Variants in SAMD5 observed in about 807,000 individuals in gnomAD.
SAMD5 encodes sterile alpha motif domain-containing protein 5.
In SAMD5, 13 loss-of-function variants were observed where a neutral mutation model predicts 11.3. That is an observed-to-expected ratio of 1.15 (90% CI 0.75 to 1.83). The LOEUF is 1.83. Among genes scored for constraint, SAMD5 ranks in the 40% most tolerant of loss-of-function variants. The pLI is 0.00. For synonymous variants in SAMD5, 129 were observed against 111.3 expected (o/e 1.16, Z -1.00); for missense variants, 255 against 239.1 (o/e 1.07, Z -0.44).
intron 1 of SAMD5, among the ~76,000 whole-genome samples, chr6:147,641,222 T>C (rs1057416840): frequency 2.0e-5 from 3 of 152,208 alleles, no homozygotes; most frequent in African/African-American, 7.2e-5. Flanking sequence ...GATTCAAATA[T>C]GGATGTCCAA....
chr6:147,759,105 G>A, the SAMD5 span, among the ~76,000 whole-genome samples: 1 of 152,110 alleles, frequency 6.6e-6, no homozygotes. Context: ...CATATTAGCC[G>A]TATGTTGTGT....
intron 1 of SAMD5, among the ~76,000 whole-genome samples, chr6:147,703,722 G>A (rs1163839854): frequency 6.6e-6 from 1 of 152,084 alleles, no homozygotes; most frequent in Non-Finnish European, 1.5e-5. Context: ...GAGATATTGT[G>A]GAAGAGTAAG....
the SAMD5 span, among the ~76,000 whole-genome samples, chr6:147,922,793 T>C: frequency 6.6e-6 from 1 of 152,156 alleles, no homozygotes; most frequent in African/African-American, 2.4e-5. Flanking sequence ...TACTAAAAAA[T>C]CAATACAACT....
chr6:147,657,470 AGAGT>A (rs755185017), intron 1 of SAMD5, among the ~76,000 whole-genome samples: 12 of 152,244 alleles, frequency 7.9e-5, no homozygotes, highest in African/African-American at 1.7e-4. Flanking sequence ...AGCGAGAGAG[AGAGT>A]GAGTAAGCGT....
chr6:147,601,823 G>A (rs1315277795), intron 1 of SAMD5, among the ~76,000 whole-genome samples: 1 of 152,194 alleles, frequency 6.6e-6, no homozygotes. Flanking sequence ...CACCGTGAAT[G>A]CAATTATGCA....
intron 1 of SAMD5, among the ~76,000 whole-genome samples, chr6:147,547,647 C>T (rs957077472): frequency 9.2e-5 from 14 of 152,206 alleles, no homozygotes; most frequent in African/African-American, 3.4e-4. Flanking sequence ...ATTAGACCAA[C>T]CCGAGAGAAT....
chr6:147,726,983 T>C (rs1267035173), intron 1 of SAMD5, among the ~76,000 whole-genome samples: 1 of 152,210 alleles, frequency 6.6e-6, no homozygotes, highest in Non-Finnish European at 1.5e-5. Context: ...CTGCAGACTT[T>C]CCTTGACATA....
At chr6:147,640,888 T>A (rs1274643167) in intron 1 of SAMD5, among the ~76,000 whole-genome samples, 2 of 152,230 alleles carry the variant, frequency 1.3e-5, no homozygotes, top group African/African-American at 4.8e-5. Flanking sequence ...CTTATCTTGT[T>A]GCTTAGCAAT....
At chr6:147,618,963 A>G (rs944730652) in intron 1 of SAMD5, among the ~76,000 whole-genome samples, 2 of 152,198 alleles carry the variant, frequency 1.3e-5, no homozygotes, top group Non-Finnish European at 2.9e-5. Context: ...CATAGCAAAA[A>G]TGGGAGCTAT....
chr6:147,724,688 G>C (rs560024621), intron 1 of SAMD5, among the ~76,000 whole-genome samples: 2 of 152,224 alleles, frequency 1.3e-5, no homozygotes, highest in Middle Eastern at 6.8e-3. Flanking sequence ...TCCTGCTGGT[G>C]TTTCTGGCTC....
the SAMD5 span, among the ~76,000 whole-genome samples, chr6:147,827,813 G>A: frequency 6.6e-5 from 10 of 150,862 alleles, no homozygotes; most frequent in African/African-American, 1.5e-4. Context: ...TTTTTGAGAC[G>A]GAGTCTCGCT....
intron 1 of SAMD5, among the ~76,000 whole-genome samples, chr6:147,692,096 T>C: frequency 6.6e-6 from 1 of 152,218 alleles, no homozygotes; most frequent in Admixed American, 6.5e-5. Context: ...GATGATAACT[T>C]ATTGAAATAT....
At chr6:147,562,220 T>C (rs1788961520) in intron 1 of SAMD5, among the ~76,000 whole-genome samples, 1 of 152,224 alleles carries the variant, frequency 6.6e-6, no homozygotes, top group South Asian at 2.1e-4. Flanking sequence ...TCTATGTTTC[T>C]AGAGCAAAGT....
intron 1 of SAMD5, among the ~76,000 whole-genome samples, chr6:147,627,788 C>G (rs866663680): frequency 6.6e-6 from 1 of 152,038 alleles, no homozygotes. Context: ...CGCCGTATAC[C>G]TGGATAAATT....
intron 1 of SAMD5, among the ~76,000 whole-genome samples, chr6:147,691,710 C>G (rs9403877): frequency 6.6e-6 from 1 of 152,156 alleles, no homozygotes; most frequent in East Asian, 1.9e-4. Flanking sequence ...CAATCTTGAC[C>G]CCAGATGATA....
the SAMD5 span, among the ~76,000 whole-genome samples, chr6:147,948,036 A>G: frequency 6.6e-6 from 1 of 151,966 alleles, no homozygotes; most frequent in Non-Finnish European, 1.5e-5. Context: ...TTAATGTTCC[A>G]TTGGTACTCA....
the SAMD5 span, among the ~76,000 whole-genome samples, chr6:147,840,545 G>A: frequency 6.6e-6 from 1 of 152,174 alleles, no homozygotes; most frequent in East Asian, 1.9e-4. Context: ...CAACAGGAAG[G>A]ATAAAAGGGC....
At chr6:147,838,982 G>C in the SAMD5 span, among the ~76,000 whole-genome samples, 1 of 152,168 alleles carries the variant, frequency 6.6e-6, no homozygotes, top group African/African-American at 2.4e-5. Flanking sequence ...ACAGTTTTTG[G>C]TATTCACCTC....
chr6:147,569,375 GA>G lies in SAMD5; in HGVS notation c.*4920del, dbSNP rs1789100461. ...GAGATACCTTTTCAGAGGAAAACAA[GA>G]GGCTAAATTCCATGTTAAGAGCTAA... On this transcript the variant is annotated 3_prime_UTR_variant, in exon 2 of 2. Coordinates refer to ENST00000367474, the MANE Select transcript of SAMD5 (RefSeq NM_001030060.3). The G allele has an allele frequency of 1.1e-6, 1 of 939,940 alleles. No homozygotes were observed. The allele number at this position is 939,940 out of a possible 1,614,324, so 58.2% of individuals were successfully genotyped here.
Sources: allele counts gnomAD v4.1 joint callset (sites outside exome capture counted in the v4.1 genomes callset), GRCh38; gene constraint gnomAD v4.1.1; transcripts MANE v1.5; gene names NCBI Gene and HGNC (gene_info 2026-07-23, HGNC 2026-07-21).